Variants in ASTN2 observed in about 807,000 individuals in gnomAD.
The protein encoded by ASTN2 is astrotactin 2.
A neutral mutation model predicts 139.8 loss-of-function variants in ASTN2; 54 were observed. The ratio of observed to expected loss-of-function variants is 0.39; its 90% CI spans 0.31 to 0.48. The LOEUF (loss-of-function observed/expected upper bound fraction) is 0.48. ASTN2 is among the 20% of genes least tolerant of loss of function. The pLI is 0.95. For missense variants in ASTN2, 1,565 were observed against 1,725.1 expected, an observed-to-expected ratio of 0.91 and a Z score of 1.64; for synonymous variants, 756 against 719.5, an observed-to-expected ratio of 1.05 and a Z score of -0.81.
intron 3 of ASTN2, among the ~76,000 whole-genome samples, chr9:117,145,828 T>G (rs1360716938): frequency 6.6e-6 from 1 of 152,208 alleles, no homozygotes; most frequent in Non-Finnish European, 1.5e-5. Flanking sequence ...CCTCTCTTTT[T>G]TTTCATGGCT....
chr9:116,506,826 G>T (rs913756141), intron 19 of ASTN2, among the ~76,000 whole-genome samples: 3 of 152,188 alleles, frequency 2.0e-5, no homozygotes, highest in African/African-American at 7.2e-5. Context: ...GCGACTTACT[G>T]ACTCTTCAGC....
intron 20 of ASTN2, among the ~76,000 whole-genome samples, chr9:116,475,027 TG>T (rs1262817017): frequency 6.6e-6 from 1 of 152,204 alleles, no homozygotes; most frequent in Non-Finnish European, 1.5e-5. Context: ...CAGAGTCTCT[TG>T]GGGTCTCAGC....
intron 1 of ASTN2, among the ~76,000 whole-genome samples, chr9:117,355,325 G>A (rs1177806736): frequency 2.0e-5 from 3 of 152,200 alleles, no homozygotes; most frequent in East Asian, 1.9e-4. Context: ...TGAAGAGGCT[G>A]CTGCAAGTGA....
chr9:116,634,589 CAAAA>C (rs57882262), intron 17 of ASTN2, among the ~76,000 whole-genome samples: 3 of 104,238 alleles, frequency 2.9e-5, no homozygotes, highest in African/African-American at 7.9e-5. Context: ...GACTCCGTCT[CAAAA>C]AAAAAAAAAA....
chr9:116,840,448 C>G (rs112747184), intron 11 of ASTN2, among the ~76,000 whole-genome samples: 1,688 of 98,190 alleles, frequency 0.017, no homozygotes, highest in Middle Eastern at 0.08. Context: ...TCCCAGTAGG[C>G]GCGGCCGGGC....
chr9:117,406,857 AACACACAC>A (rs59125408), intron 1 of ASTN2, among the ~76,000 whole-genome samples: 45,495 of 144,188 alleles, frequency 0.32, 7,163 homozygotes, highest in Middle Eastern at 0.39. Flanking sequence ...ATTGTCCCCT[AACACACAC>A]ACACACACAC....
chr9:117,381,442 T>G (rs955308901), intron 1 of ASTN2, among the ~76,000 whole-genome samples: 1 of 152,026 alleles, frequency 6.6e-6, no homozygotes, highest in African/African-American at 2.4e-5. Flanking sequence ...TGGGGGTGGA[T>G]TTCTCATGAA....
At chr9:117,223,298 G>A (rs1832589976) in intron 2 of ASTN2, among the ~76,000 whole-genome samples, 1 of 152,166 alleles carries the variant, frequency 6.6e-6, no homozygotes, top group Admixed American at 6.5e-5. Flanking sequence ...ACTTAGGGGA[G>A]AGAGTACTGG....
chr9:116,616,175 C>G (rs1374906221), intron 19 of ASTN2, among the ~76,000 whole-genome samples: 1 of 152,132 alleles, frequency 6.6e-6, no homozygotes, highest in Non-Finnish European at 1.5e-5. Flanking sequence ...TTAGGAAGAA[C>G]TGAGCTTTCT....
chr9:117,017,529 T>C (rs1229039076), intron 6 of ASTN2, among the ~76,000 whole-genome samples: 1 of 152,208 alleles, frequency 6.6e-6, no homozygotes, highest in African/African-American at 2.4e-5. Flanking sequence ...TGAGTTGCTG[T>C]ACGATTCTAG....
At chr9:117,365,669 C>T (rs1168911155) in intron 1 of ASTN2, among the ~76,000 whole-genome samples, 1 of 152,138 alleles carries the variant, frequency 6.6e-6, no homozygotes, top group Non-Finnish European at 1.5e-5. Context: ...CAAGCGTGTA[C>T]CCATAAAGGA....
intron 12 of ASTN2, among the ~76,000 whole-genome samples, chr9:116,814,567 A>G (rs1009442052): frequency 3.3e-5 from 5 of 152,126 alleles, no homozygotes; most frequent in African/African-American, 1.2e-4. Flanking sequence ...AAAAAAAAAG[A>G]CTGCCAAATA....
chr9:116,605,419 A>C (rs1855141092), intron 19 of ASTN2, among the ~76,000 whole-genome samples: 1 of 152,058 alleles, frequency 6.6e-6, no homozygotes, highest in African/African-American at 2.4e-5. Flanking sequence ...GAAGTTTCTG[A>C]TTTTTTTAAA....
intron 16 of ASTN2, chr9:116,687,061 C>T (rs1476831852): frequency 7.7e-7 from 1 of 1,294,514 alleles, no homozygotes; most frequent in Non-Finnish European, 9.9e-7. Context: ...TATCTCCTGA[C>T]TTACTGAGTG....
intron 20 of ASTN2, among the ~76,000 whole-genome samples, chr9:116,471,029 T>C: frequency 6.6e-6 from 1 of 152,232 alleles, no homozygotes; most frequent in East Asian, 1.9e-4. Context: ...CTCTCCTTTT[T>C]CTTTTTTAAA....
At position 117,207,062 on chromosome 9, in the gene ASTN2, T is replaced by C. The variant is rs1279431079; in HGVS notation, c.1015+7296A>G. On this transcript the variant is annotated intron_variant, in intron 3 of 22. Transcript: ENST00000313400. The stretch of plus-strand genomic sequence containing the variant: ...GAACAGCCCCATCAGCCACTCCTTG[T>C]GGACATTCCCTAGGCTGGCCAGGCA... Among the ~76,000 whole-genome samples, 4 of 152,228 alleles carry C rather than the reference T, an allele frequency of 2.6e-5. No individual in the cohort carries two copies. In the East Asian group the frequency reaches 7.8e-4, roughly 30 times the overall value.
chr9:116,642,550 C>G (rs886161741), intron 17 of ASTN2, among the ~76,000 whole-genome samples: 2 of 152,108 alleles, frequency 1.3e-5, no homozygotes, highest in South Asian at 4.1e-4. Context: ...TACCCCCCAT[C>G]TAACTGACAC....
intron 22 of ASTN2, among the ~76,000 whole-genome samples, chr9:116,438,939 A>T (rs1847743834): frequency 9.2e-5 from 14 of 152,158 alleles, no homozygotes; most frequent in Admixed American, 9.2e-4. Flanking sequence ...AATAACAGCG[A>T]AACTCCATGT....
Position 117,414,600 on chromosome 9 carries a change from G to C in ASTN2, c.339C>G (p.Thr113=), listed in dbSNP as rs752437663. 6 of 1,572,074 alleles carry C rather than the reference G, an allele frequency of 3.8e-6. No individual in the cohort carries two copies. The highest frequency in any genetic ancestry group is 3.4e-6 in the Non-Finnish European group (4 of 1,163,318). ...ASPGSPGSAG[T]AAESRLLLFV... Reference sequence around the variant, plus strand: ...AGAGCAGGAGGCGCGACTCGGCGGCGGTGCCGGCAGAGCCAGGAGAGCCCG... The same window carrying C: ...AGAGCAGGAGGCGCGACTCGGCGGCCGTGCCGGCAGAGCCAGGAGAGCCCG... Residue 113 remains threonine, a synonymous_variant, in exon 1 of 23, where the codon ACC becomes ACG. Transcript: ENST00000313400. The surrounding 1 kb of genome is among the most constrained non-coding windows in gnomAD (Gnocchi z 4.2).
Sources: gnomAD v4.1 joint callset for allele counts (sites outside exome capture counted in the v4.1 genomes callset) on GRCh38, gnomAD v4.1.1 for gene constraint, Gnocchi (gnomAD v3.1) non-coding constraint, MANE v1.5 for transcripts, NCBI Gene and HGNC (gene_info 2026-07-23, HGNC 2026-07-21) for gene names.